The following GSG1L2 variants were observed in gnomAD, a reference collection of about 807,000 sequenced individuals.
The protein encoded by GSG1L2 is GSG1 like 2.
Under a neutral mutation model 9.0 loss-of-function variants are expected in GSG1L2, and 15 were observed. That is an observed-to-expected ratio of 1.67 (90% CI 1.12 to 2.57). The LOEUF (loss-of-function observed/expected upper bound fraction) is 2.57, where lower values mean the gene tolerates loss of function less well. Ranked by LOEUF, GSG1L2 falls within the 30% of genes most tolerant of loss-of-function variation. The pLI, the probability that GSG1L2 is intolerant of heterozygous loss-of-function variation, is 0.00. For synonymous variants in GSG1L2, 127 were observed against 57.9 expected, an observed-to-expected ratio of 2.19 and a Z score of -5.41; for missense variants, 286 against 150.3, an observed-to-expected ratio of 1.90 and a Z score of -4.72.
rs1359026624 is a variant in GSG1L2 at position 9,821,866 on chromosome 17, C to G, written c.206G>C (p.Ser69Thr). 1 of 703,310 alleles carries G rather than the reference C, an allele frequency of 1.4e-6. No individual in the cohort carries two copies. The highest frequency in any genetic ancestry group is 2.6e-6 in the Non-Finnish European group (1 of 385,060). The allele number at this position is 703,310 out of a possible 1,614,324, so 43.6% of individuals were successfully genotyped here. ...NSSNGRMDNN[S>T]QAVLYIWELG... is the part of the protein sequence containing the mutation. ...CTCCCAAATGTACAGGACAGCCTGGCTATTGTTGTCCATCCTGCCATTGCT... is the reference window on the plus strand; with the variant it reads ...CTCCCAAATGTACAGGACAGCCTGGGTATTGTTGTCCATCCTGCCATTGCT... Residue 69 changes from serine to threonine, a missense_variant, in exon 1 of 5, where the codon AGC becomes ACC. By Grantham distance (58) the Ser-to-Thr change is moderately conservative. Coordinates refer to ENST00000399363, the MANE Select transcript of GSG1L2 (RefSeq NM_001310219.2).
chr17:9,808,272 G>T (rs2066523699), intron 3 of GSG1L2, among the ~76,000 whole-genome samples: 1 of 152,088 alleles, frequency 6.6e-6, no homozygotes, highest in Non-Finnish European at 1.5e-5. Flanking sequence ...GGCTTTAAAA[G>T]TTGCTTGGAG....
chr17:9,821,969 T>C lies in GSG1L2; in HGVS notation c.103A>G (p.Thr35Ala). ...CACAGTGGCTTCACCACCCGTCGGGTCCCCTCACACCAGTGGCTGCTGACC... is the reference window on the plus strand; with the variant it reads ...CACAGTGGCTTCACCACCCGTCGGGCCCCCTCACACCAGTGGCTGCTGACC... ...AVVSSHWCEGTRRVVKPLCQD... is the reference protein window; with the variant it reads ...AVVSSHWCEGARRVVKPLCQD... Residue 35 changes from threonine to alanine, a missense_variant, in exon 1 of 5, where the codon ACC becomes GCC. Thr to Ala is a moderately conservative substitution (Grantham distance 58). Coordinates refer to ENST00000399363, the MANE Select transcript of GSG1L2 (RefSeq NM_001310219.2). The C allele has an allele frequency of 1.4e-6, 1 of 702,982 alleles. No homozygotes were observed. The highest frequency in any genetic ancestry group is 2.0e-5 in the Admixed American group (1 of 50,014). 43.5% of individuals were successfully genotyped at this position (702,982 alleles called of 1,614,324 possible).
chr17:9,807,801 G>A (rs963037304), intron 3 of GSG1L2, 200 bp from the exon 4 acceptor site: 9 of 525,884 alleles, frequency 1.7e-5, no homozygotes, highest in African/African-American at 1.1e-4. Flanking sequence ...AGACACAATC[G>A]GGGAGGACCT....
intron 1 of GSG1L2, among the ~76,000 whole-genome samples, chr17:9,816,928 G>GTGTATC (rs1567711619): frequency 1.7e-4 from 24 of 144,734 alleles, no homozygotes; most frequent in African/African-American, 5.4e-4. Context: ...GTGTGTGTGT[G>GTGTATC]TGTGTGTGTG....
At chr17:9,818,298 A>G (rs1349606533) in intron 1 of GSG1L2, among the ~76,000 whole-genome samples, 3 of 151,974 alleles carry the variant, frequency 2.0e-5, no homozygotes, top group Non-Finnish European at 4.4e-5. Flanking sequence ...AGAAGGGGGA[A>G]GGTGGCACAC....
Position 9,820,599 on chromosome 17 carries a change from C to T in GSG1L2, c.310+1163G>A, listed in dbSNP as rs779437980. Among the ~76,000 whole-genome samples, 3 of 151,992 alleles carry T rather than the reference C, an allele frequency of 2.0e-5. No homozygotes were observed. The highest frequency in any genetic ancestry group is 2.9e-5 in the Non-Finnish European group (2 of 68,022). ...GGTTCAGTCAGGCTGGGTACTGCCC[C>T]ACATTGGCCACCACTGGGAGAGAGG... is the stretch of plus-strand genomic sequence containing the variant. On this transcript the variant is annotated intron_variant, in intron 1 of 4. Coordinates refer to ENST00000399363, the MANE Select transcript of GSG1L2 (RefSeq NM_001310219.2). This position sits in a 1 kb window ranked among gnomAD's most constrained non-coding sequence, Gnocchi z 4.9.
At position 9,820,097 on chromosome 17, in the gene GSG1L2, AAAAAT is replaced by A. The variant is rs533139104; in HGVS notation, c.310+1660_310+1664del. Among the ~76,000 whole-genome samples, 36 of 151,996 alleles carry A rather than the reference AAAAAT, an allele frequency of 2.4e-4. No homozygotes were observed. Among genetic ancestry groups the A allele is most frequent in the East Asian group, 5.9e-4 (3 of 5,128 alleles). The stretch of plus-strand genomic sequence containing the variant: ...GAGAGGGAAATTCCATCTCAAAATA[AAAAAT>A]AAAATAAAATAAAATAAAATAAGAA... On this transcript the variant is annotated intron_variant, in intron 1 of 4. Coordinates refer to ENST00000399363, the MANE Select transcript of GSG1L2 (RefSeq NM_001310219.2). The surrounding 1 kb of genome is among the most constrained non-coding windows in gnomAD (Gnocchi z 4.9).
intron 2 of GSG1L2, chr17:9,809,259 G>A (rs2066529041): frequency 4.7e-6 from 2 of 421,874 alleles, no homozygotes; most frequent in East Asian, 9.8e-5. Flanking sequence ...GAGTGGTGCT[G>A]GGGGTCTCCA....
chr17:9,808,222 T>C (rs1461626744), intron 3 of GSG1L2, among the ~76,000 whole-genome samples: 1 of 152,154 alleles, frequency 6.6e-6, no homozygotes, highest in Non-Finnish European at 1.5e-5. Flanking sequence ...TTCAGGGTTC[T>C]TTCTCCCTGG....
chr17:9,809,894 T>C (rs1485414220), intron 2 of GSG1L2: 2 of 152,362 alleles, frequency 1.3e-5, no homozygotes, highest in African/African-American at 4.8e-5. Flanking sequence ...GGAGGGTCTG[T>C]GAGTTGGAGA....
At chr17:9,813,828 G>A (rs919723835) in intron 1 of GSG1L2, among the ~76,000 whole-genome samples, 1 of 152,200 alleles carries the variant, frequency 6.6e-6, no homozygotes, top group Non-Finnish European at 1.5e-5. Context: ...AGTCACCATC[G>A]CAAGTTTCCT....
intron 1 of GSG1L2, among the ~76,000 whole-genome samples, chr17:9,816,908 A>ATGTGTG (rs2066569232): frequency 9.4e-5 from 1 of 10,662 alleles, no homozygotes; most frequent in Non-Finnish European, 1.4e-4. Context: ...GTGTGTGTGT[A>ATGTGTG]TCTGTGTGTG....
At chr17:9,821,175 G>C (rs113321000) in intron 1 of GSG1L2, among the ~76,000 whole-genome samples, 1 of 152,194 alleles carries the variant, frequency 6.6e-6, no homozygotes, top group Admixed American at 6.5e-5. Context: ...CAAGCAGAAA[G>C]GGAAGAGTAC....
At chr17:9,808,759 T>C in intron 3 of GSG1L2, 71 bp downstream of exon 3, 2 of 674,952 alleles carry the variant, frequency 3.0e-6, no homozygotes, top group Non-Finnish European at 5.4e-6. Context: ...TCTTTGGTAA[T>C]GAGCATGTCC....
chr17:9,821,762 C>G lies in GSG1L2; in HGVS notation c.310G>C (p.Asp104His), dbSNP rs1157357964. ...CCCAGAATCTACAGGCTTTGCTCAC[C>G]TTCACCGTTGAGGCTCTCCTCGCAG... is the stretch of plus-strand genomic sequence containing the variant. ...QSCEESLNGE[D>H]EKCRSFRSVV... is the part of the protein sequence containing the mutation. The change falls in exon 1 of 5, where the codon GAT (aspartate) becomes CAT (histidine). Residue 104 changes from aspartate (D) to histidine (H), a missense_variant and splice_region_variant. Physicochemically the swap from Asp to His is moderately conservative, Grantham distance 81. Coordinates refer to ENST00000399363, the MANE Select transcript of GSG1L2 (RefSeq NM_001310219.2). 1 of 702,914 alleles carries G rather than the reference C, an allele frequency of 1.4e-6. No individual in the cohort carries two copies. The highest frequency in any genetic ancestry group is 2.7e-5 in the East Asian group (1 of 37,262). The allele number at this position is 702,914 out of a possible 1,614,324, so 43.5% of individuals were successfully genotyped here. A position where few individuals can be genotyped will look rare whatever the true frequency, so the allele number is the denominator to read the frequency against.
chr17:9,822,021 G>T lies in GSG1L2; in HGVS notation c.51C>A (p.Leu17=), dbSNP rs8068308. The change falls in exon 1 of 5, where the codon CTC becomes CTA. Residue 17 remains leucine, a synonymous_variant. Transcript: ENST00000399363. The stretch of plus-strand genomic sequence containing the variant: ...CGGCGGTGAGGGAGAAGGTGAGGGC[G>T]AGGCAGACAGGGAGGAGGAGCAGCG... ...QQALLLLPVC[L]ALTFSLTAVV... is the part of the protein sequence containing the mutation. 3 of 702,498 alleles carry T rather than the reference G, an allele frequency of 4.3e-6. No homozygotes were observed. The highest frequency in any genetic ancestry group is 5.4e-5 in the East Asian group (2 of 37,240). The allele number at this position is 702,498 out of a possible 1,614,324, so 43.5% of individuals were successfully genotyped here. A position where few individuals can be genotyped will look rare whatever the true frequency, so the allele number is the denominator to read the frequency against.
chr17:9,815,393 T>C (rs2066555645), intron 1 of GSG1L2, among the ~76,000 whole-genome samples: 1 of 152,180 alleles, frequency 6.6e-6, no homozygotes. Flanking sequence ...TTCTCGTCTG[T>C]AAAATGTCTC....
At chr17:9,807,273 A>T (rs1227763456) in intron 4 of GSG1L2, among the ~76,000 whole-genome samples, 1 of 152,222 alleles carries the variant, frequency 6.6e-6, no homozygotes, top group Non-Finnish European at 1.5e-5. Context: ...TTATAAACAT[A>T]ATCTCTTTAA....
At position 9,820,244 on chromosome 17, in the gene GSG1L2, A is replaced by G. The variant is rs1303815754; in HGVS notation, c.310+1518T>C. On this transcript the variant is annotated intron_variant, in intron 1 of 4. Coordinates refer to ENST00000399363, the MANE Select transcript of GSG1L2 (RefSeq NM_001310219.2). The surrounding 1 kb of genome is among the most constrained non-coding windows in gnomAD (Gnocchi z 4.9). ...ACATTTGATAACTGGTGTGACGCCTATATAGAGCTGTGGAAACAGAAGTAC... is the reference window on the plus strand; with the variant it reads ...ACATTTGATAACTGGTGTGACGCCTGTATAGAGCTGTGGAAACAGAAGTAC... Among the ~76,000 whole-genome samples the G allele has an allele frequency of 6.6e-6, 1 of 152,208 alleles. No individual in the cohort carries two copies. The highest frequency in any genetic ancestry group is 2.4e-5 in the African/African-American group (1 of 41,468).
Sources: gnomAD v4.1 joint callset for allele counts (sites outside exome capture counted in the v4.1 genomes callset) on GRCh38, gnomAD v4.1.1 for gene constraint, Gnocchi (gnomAD v3.1) non-coding constraint, MANE v1.5 for transcripts, NCBI Gene and HGNC (gene_info 2026-07-23, HGNC 2026-07-21) for gene names.